The following EYS variants were observed in gnomAD, a reference collection of about 807,000 sequenced individuals.
EYS encodes protein eyes shut homolog.
A neutral mutation model predicts 282.1 loss-of-function variants in EYS; 250 were observed. That is an observed-to-expected ratio of 0.89 (90% CI 0.80 to 0.98). The LOEUF (loss-of-function observed/expected upper bound fraction) is 0.98, where lower values mean the gene tolerates loss of function less well. Ranked by LOEUF, EYS falls within the 50% of genes least tolerant of loss-of-function variation. EYS has a pLI of 0.00. For synonymous variants in EYS, 1,355 were observed against 1,282.9 expected (o/e 1.06, Z -1.20); for missense variants, 4,016 against 3,709.0 (o/e 1.08, Z -2.15).
chr6:63,990,086 C>T (rs369481129), intron 34 of EYS, among the ~76,000 whole-genome samples: 2 of 151,318 alleles, frequency 1.3e-5, no homozygotes, highest in East Asian at 3.9e-4. Flanking sequence ...ACACATTGAT[C>T]TAGGGAAGTG....
chr6:65,059,639 A>G (rs977591786), intron 12 of EYS, among the ~76,000 whole-genome samples: 1 of 152,068 alleles, frequency 6.6e-6, no homozygotes, highest in Non-Finnish European at 1.5e-5. Context: ...AGAATTTATA[A>G]TTATTGGGTT....
At chr6:63,821,839 G>C (rs1771332899) in intron 36 of EYS, 1 of 152,200 alleles carries the variant, frequency 6.6e-6, no homozygotes, top group South Asian at 2.1e-4. Flanking sequence ...GCAAGTGGAA[G>C]AATTCCAGCC....
At chr6:64,864,154 C>T (rs1766338048) in intron 19 of EYS, among the ~76,000 whole-genome samples, 1 of 151,830 alleles carries the variant, frequency 6.6e-6, no homozygotes, top group African/African-American at 2.4e-5. Context: ...CAATTGGATC[C>T]AAAAGTCTGG....
At chr6:63,859,436 C>G (rs1404858525) in intron 36 of EYS, among the ~76,000 whole-genome samples, 1 of 151,916 alleles carries the variant, frequency 6.6e-6, no homozygotes, top group Non-Finnish European at 1.5e-5. Flanking sequence ...AGTTACACTG[C>G]TTTCCTCAAG....
intron 14 of EYS, among the ~76,000 whole-genome samples, chr6:64,965,551 C>T (rs1206764022): frequency 1.3e-5 from 2 of 151,702 alleles, no homozygotes; most frequent in Non-Finnish European, 2.9e-5. Context: ...ATGAGGAAAG[C>T]AAAATGACAA....
intron 29 of EYS, among the ~76,000 whole-genome samples, chr6:64,385,554 G>A (rs1251240537): frequency 6.6e-6 from 1 of 152,068 alleles, no homozygotes; most frequent in African/African-American, 2.4e-5. Context: ...GATGAATGTC[G>A]AGTTTTTTAG....
chr6:64,707,077 G>A (rs1771044200), intron 22 of EYS, among the ~76,000 whole-genome samples: 2 of 150,216 alleles, frequency 1.3e-5, no homozygotes, highest in Non-Finnish European at 3.0e-5. Context: ...ATCAATCAGT[G>A]GACAAAGAAA....
At chr6:64,402,377 A>C (rs1198954563) in intron 28 of EYS, among the ~76,000 whole-genome samples, 4 of 152,228 alleles carry the variant, frequency 2.6e-5, no homozygotes, top group Non-Finnish European at 5.9e-5. Context: ...GCTTTTGATT[A>C]AGGACTTAGA....
chr6:64,355,053 A>C (rs974483886), intron 29 of EYS, among the ~76,000 whole-genome samples: 1 of 151,616 alleles, frequency 6.6e-6, no homozygotes, highest in Admixed American at 6.6e-5. Flanking sequence ...GGACCAAAAC[A>C]ATTACCCAAT....
chr6:63,764,768 C>T (rs1291891882), intron 40 of EYS, among the ~76,000 whole-genome samples: 4 of 151,706 alleles, frequency 2.6e-5, no homozygotes, highest in East Asian at 1.9e-4. Flanking sequence ...AATAACAAAT[C>T]GGAGCCTCAT....
Position 65,583,685 on chromosome 6 carries a change from T to C in EYS, c.-333+56093A>G, listed in dbSNP as rs145859952. On this transcript the variant is annotated intron_variant, in intron 2 of 42. Coordinates refer to ENST00000503581, the MANE Select transcript of EYS (RefSeq NM_001142800.2). Reference sequence around the variant, plus strand: ...TTCATAAATGAACCTGCTCCTATAATGGTCTAAAGTGGCTCTCTGTTTAAG... The same window carrying C: ...TTCATAAATGAACCTGCTCCTATAACGGTCTAAAGTGGCTCTCTGTTTAAG... 6.4e-4 allele frequency among the ~76,000 whole-genome samples: 98 copies of C among 152,184 alleles called. 1 individual carries two copies. Among genetic ancestry groups the C allele is most frequent in the Middle Eastern group, 3.4e-3 (1 of 294 alleles).
chr6:64,064,592 CTT>C (rs1771298577), intron 33 of EYS, among the ~76,000 whole-genome samples: 1 of 152,040 alleles, frequency 6.6e-6, no homozygotes, highest in African/African-American at 2.4e-5. Context: ...TTGGAAAGTC[CTT>C]TTCAGTTTTA....
chr6:64,595,598 TA>T (rs949410688), intron 24 of EYS, among the ~76,000 whole-genome samples: 1 of 152,022 alleles, frequency 6.6e-6, no homozygotes, highest in Non-Finnish European at 1.5e-5. Context: ...AATTGTAGAA[TA>T]AAAAAATCAA....
At chr6:65,656,109 A>G (rs1346289084) in intron 1 of EYS, among the ~76,000 whole-genome samples, 1 of 151,812 alleles carries the variant, frequency 6.6e-6, no homozygotes, top group East Asian at 1.9e-4. Context: ...AAGATCACAA[A>G]CCTAATCAAC....
intron 26 of EYS, among the ~76,000 whole-genome samples, chr6:64,502,543 G>T (rs1161607194): frequency 6.6e-6 from 1 of 152,074 alleles, no homozygotes; most frequent in East Asian, 1.9e-4. Flanking sequence ...TTTTTTTAAG[G>T]TTAATCATCA....
intron 12 of EYS, among the ~76,000 whole-genome samples, chr6:65,142,822 A>C (rs1764380368): frequency 6.6e-6 from 1 of 152,014 alleles, no homozygotes; most frequent in Admixed American, 6.6e-5. Context: ...GCTAGAAGAT[A>C]GTGGAGTATT....
At chr6:65,114,436 G>C (rs928109651) in intron 12 of EYS, among the ~76,000 whole-genome samples, 1 of 144,458 alleles carries the variant, frequency 6.9e-6, no homozygotes, top group Non-Finnish European at 1.5e-5. Flanking sequence ...TCTTATTCTA[G>C]ACATTTGGGT....
At chr6:64,450,815 C>G (rs1000986431) in intron 26 of EYS, among the ~76,000 whole-genome samples, 2 of 152,070 alleles carry the variant, frequency 1.3e-5, no homozygotes, top group African/African-American at 4.8e-5. Context: ...GCAACGAGAA[C>G]AAAGACACAA....
chr6:64,442,790 G>A (rs1390401239), intron 26 of EYS, among the ~76,000 whole-genome samples: 6 of 152,194 alleles, frequency 3.9e-5, no homozygotes, highest in Non-Finnish European at 7.4e-5. Flanking sequence ...TGAGATTTGG[G>A]AACCTCTGCC....
Sources: gnomAD v4.1 joint callset for allele counts (sites outside exome capture counted in the v4.1 genomes callset) on GRCh38, gnomAD v4.1.1 for gene constraint, MANE v1.5 for transcripts, NCBI Gene and HGNC (gene_info 2026-07-23, HGNC 2026-07-21) for gene names.